The following MDGA1 variants were observed in gnomAD, a reference collection of about 807,000 sequenced individuals.
MDGA1 encodes the protein MAM domain-containing glycosylphosphatidylinositol anchor protein 1.
In MDGA1, 54 loss-of-function variants were observed where a neutral mutation model predicts 101.5. The ratio of observed to expected loss-of-function variants is 0.53; its 90% CI spans 0.43 to 0.67. The LOEUF is 0.67. Ranked by LOEUF, MDGA1 falls within the 30% of genes least tolerant of loss-of-function variation. The pLI, the probability that MDGA1 is intolerant of heterozygous loss-of-function variation, is 0.00. For synonymous variants in MDGA1, 533 were observed against 558.3 expected (o/e 0.95, Z 0.64); for missense variants, 1,083 against 1,323.8 (o/e 0.82, Z 2.82).
chr6:37,676,763 G>A (rs981602855), intron 1 of MDGA1, among the ~76,000 whole-genome samples: 1 of 152,166 alleles, frequency 6.6e-6, no homozygotes, highest in Non-Finnish European at 1.5e-5. Flanking sequence ...TGGGGGTGGT[G>A]GCTTGTGCCT....
chr6:37,693,029 G>A (rs1762346556), intron 1 of MDGA1, among the ~76,000 whole-genome samples: 1 of 152,224 alleles, frequency 6.6e-6, no homozygotes, highest in Non-Finnish European at 1.5e-5. Context: ...ATCAACTTGG[G>A]ATGGGGAGGT....
At chr6:37,676,892 C>T (rs1360104884) in intron 1 of MDGA1, among the ~76,000 whole-genome samples, 3 of 139,580 alleles carry the variant, frequency 2.1e-5, no homozygotes, top group African/African-American at 8.0e-5. Context: ...AGCAAAACTC[C>T]ATCTCAACAG....
In MDGA1 at chr6:37,696,902, C is replaced by G; in HGVS notation, c.-91G>C. On this transcript the variant is annotated 5_prime_UTR_variant, in exon 1 of 17. Coordinates refer to ENST00000434837, the MANE Select transcript of MDGA1 (RefSeq NM_153487.4). The surrounding 1 kb of genome is among the most constrained non-coding windows in gnomAD (Gnocchi z 5.6). ...CCGGGGCCCCGCGACGCCCCTATGT[C>G]CCCCCCTTTCCCTGAGAGGTGAGAG... is the stretch of plus-strand genomic sequence containing the variant. 1.0e-6 allele frequency: 1 copy of G among 1,004,016 alleles called. No individual in the cohort carries two copies. Among genetic ancestry groups the G allele is most frequent in the South Asian group, 1.4e-5 (1 of 72,726 alleles). The allele number at this position is 1,004,016 out of a possible 1,614,324, so 62.2% of individuals were successfully genotyped here.
At position 37,655,998 on chromosome 6, in the gene MDGA1, G is replaced by T; in HGVS notation, c.383-102C>A. 1 of 959,446 alleles carries T rather than the reference G, an allele frequency of 1.0e-6. No homozygotes were observed. Among genetic ancestry groups the T allele is most frequent in the Non-Finnish European group, 1.5e-6 (1 of 659,428 alleles). 59.4% of individuals were successfully genotyped at this position (959,446 alleles called of 1,614,324 possible). On this transcript the variant is annotated intron_variant, in intron 3 of 16. Coordinates refer to ENST00000434837, the MANE Select transcript of MDGA1 (RefSeq NM_153487.4). The surrounding 1 kb of genome is among the most constrained non-coding windows in gnomAD (Gnocchi z 5.1). ...AGGAAGAGCTGAGCCACCCTCAACAGACATTTCCAGATTGCCAGATGCCCT... is the reference window on the plus strand; with the variant it reads ...AGGAAGAGCTGAGCCACCCTCAACATACATTTCCAGATTGCCAGATGCCCT...
chr6:37,664,050 T>C lies in MDGA1; in HGVS notation c.124A>G (p.Asn42Asp), dbSNP rs1761686349. ...AGQACVVKED[N>D]ISERVYTIRE... ...ATGGTGTAGACACGCTCGCTGATAT[T>C]GTCCTCTTTCACCACACATGCCTGG... is the stretch of plus-strand genomic sequence containing the variant. Residue 42 changes from asparagine (N) to aspartate (D), a missense_variant, in exon 2 of 17, where the codon AAT (asparagine) becomes GAT (aspartate). Physicochemically the swap from Asn to Asp is conservative, Grantham distance 23. This residue lies in a region of MDGA1 where 310 missense variants were observed against 355.9 expected (regional missense o/e 0.87). Transcript: ENST00000434837. 3 of 1,613,944 alleles carry C rather than the reference T, an allele frequency of 1.9e-6. No individual in the cohort carries two copies. Among genetic ancestry groups the C allele is most frequent in the South Asian group, 2.2e-5 (2 of 91,074 alleles).
intron 1 of MDGA1, among the ~76,000 whole-genome samples, chr6:37,690,533 C>T (rs4714096): frequency 0.53 from 79,813 of 151,282 alleles, 22,712 homozygotes; most frequent in African/African-American, 0.76. Flanking sequence ...AATCCCAGCA[C>T]TTTGGGAGGC....
chr6:37,648,979 C>T lies in MDGA1; in HGVS notation c.1894+3G>A. The T allele has an allele frequency of 6.4e-7, 1 of 1,552,020 alleles. No homozygotes were observed. Among genetic ancestry groups the T allele is most frequent in the Non-Finnish European group, 8.7e-7 (1 of 1,149,336 alleles). ...GGTGGGGCGGGACCCACTGGACGCTCACCGGAGACCTGGAAGAGGCAGGCA... is the reference window on the plus strand; with the variant it reads ...GGTGGGGCGGGACCCACTGGACGCTTACCGGAGACCTGGAAGAGGCAGGCA... On this transcript the variant is annotated splice_donor_region_variant and intron_variant, in intron 9 of 16. Coordinates refer to ENST00000434837, the MANE Select transcript of MDGA1 (RefSeq NM_153487.4).
At position 37,649,099 on chromosome 6, in the gene MDGA1, C is replaced by T. The variant is rs766750583; in HGVS notation, c.1777G>A (p.Glu593Lys). 1 of 1,519,142 alleles carries T rather than the reference C, an allele frequency of 6.6e-7. No homozygotes were observed. Among genetic ancestry groups the T allele is most frequent in the Non-Finnish European group, 8.8e-7 (1 of 1,135,826 alleles). 94.1% of individuals were successfully genotyped at this position (1,519,142 alleles called of 1,614,324 possible). A position where few individuals can be genotyped will look rare whatever the true frequency, so the allele number is the denominator to read the frequency against. The change falls in exon 9 of 17, where the codon GAG (glutamate) becomes AAG (lysine). Residue 593 changes from glutamate to lysine, a missense_variant. Glu to Lys is a moderately conservative substitution (Grantham distance 56). Coordinates refer to ENST00000434837, the MANE Select transcript of MDGA1 (RefSeq NM_153487.4). ...PPPPVVPAAAEAPDHAELRLD... is the reference protein window; with the variant it reads ...PPPPVVPAAAKAPDHAELRLD... ...CGCAGCTCCGCGTGATCCGGCGCCT[C>T]GGCGGCGGCGGGAACAACAGGCGGC...
chr6:37,695,993 T>A (rs1420729361), intron 1 of MDGA1, among the ~76,000 whole-genome samples: 2 of 151,928 alleles, frequency 1.3e-5, no homozygotes, highest in Non-Finnish European at 2.9e-5. Context: ...CAGCGAGGCG[T>A]GCGGACGCAG....
chr6:37,677,498 C>A (rs1177095378), intron 1 of MDGA1, among the ~76,000 whole-genome samples: 1 of 152,116 alleles, frequency 6.6e-6, no homozygotes, highest in Non-Finnish European at 1.5e-5. Flanking sequence ...AGGGGGTGTC[C>A]TGCGGCCATT....
At chr6:37,646,041 TC>T in intron 11 of MDGA1, 85 bp from the exon 12 acceptor site, 1 of 1,601,868 alleles carries the variant, frequency 6.2e-7, no homozygotes, top group South Asian at 1.1e-5. Context: ...GAGGACAGGG[TC>T]CTCAGAGCCA....
chr6:37,673,939 C>T (rs57562221), intron 1 of MDGA1, among the ~76,000 whole-genome samples: 2,280 of 152,312 alleles, frequency 0.015, 42 homozygotes, highest in African/African-American at 0.051. Flanking sequence ...CTCTCGCTCC[C>T]TGTCCTCCCA....
At chr6:37,692,957 C>T (rs1214244806) in intron 1 of MDGA1, among the ~76,000 whole-genome samples, 1 of 152,182 alleles carries the variant, frequency 6.6e-6, no homozygotes, top group Admixed American at 6.5e-5. Flanking sequence ...GACCCTAAGG[C>T]GGGGGCTCTC....
chr6:37,635,962 T>G lies in MDGA1; in HGVS notation c.*1406A>C. On this transcript the variant is annotated 3_prime_UTR_variant, in exon 17 of 17. Coordinates refer to ENST00000434837, the MANE Select transcript of MDGA1 (RefSeq NM_153487.4). ...AGTCTCACAGGCAGATATGTGAGAT[T>G]GCACACACAGACCTGTGTTTGCACA... is the stretch of plus-strand genomic sequence containing the variant. The G allele has an allele frequency of 2.6e-6, 1 of 387,968 alleles. No homozygotes were observed. The highest frequency in any genetic ancestry group is 4.6e-6 in the Non-Finnish European group (1 of 219,408). 24.0% of individuals were successfully genotyped at this position (387,968 alleles called of 1,614,324 possible). A position where few individuals can be genotyped will look rare whatever the true frequency, so the allele number is the denominator to read the frequency against.
intron 1 of MDGA1, among the ~76,000 whole-genome samples, chr6:37,670,551 TAAAG>T (rs1306100652): frequency 1.3e-5 from 2 of 148,578 alleles, no homozygotes; most frequent in Middle Eastern, 3.2e-3. Flanking sequence ...GAGGAATAAA[TAAAG>T]AAACTCATGT....
At chr6:37,658,968 CAAAAAAAAA>C (rs34087406) in intron 2 of MDGA1, among the ~76,000 whole-genome samples, 23 of 109,466 alleles carry the variant, frequency 2.1e-4, no homozygotes, top group African/African-American at 6.9e-4. Flanking sequence ...AAGACTGTTT[CAAAAAAAAA>C]AAAAAAAAAA....
intron 10 of MDGA1, 56 bp downstream of exon 10, chr6:37,647,117 G>A: frequency 1.3e-6 from 2 of 1,497,450 alleles, no homozygotes; most frequent in Non-Finnish European, 1.8e-6. Flanking sequence ...AGCATTTCCA[G>A]GGTCAGCCAC....
rs187344477 is a variant in MDGA1 at position 37,646,241 on chromosome 6, G to A, written c.2181C>T (p.Phe727=). 3.5e-4 allele frequency: 567 copies of A among 1,598,404 alleles called. 3 individuals are homozygous for A. The African/African-American group carries it at 6.2e-3, about 18-fold the overall frequency. Residue 727 remains phenylalanine, a synonymous_variant, in exon 11 of 17, where the codon TTC becomes TTT. Coordinates refer to ENST00000434837, the MANE Select transcript of MDGA1 (RefSeq NM_153487.4). ...TGCGGGAGGCCATGTCACCAGCCCCGAAGGTGGTATAGGGTGTGAGGCGGA... is the reference window on the plus strand; with the variant it reads ...TGCGGGAGGCCATGTCACCAGCCCCAAAGGTGGTATAGGGTGTGAGGCGGA... ...YEVRLTPYTT[F]GAGDMASRII...
rs1426860434 is a variant in MDGA1, at chr6:37,697,116, A to G, written c.-305T>C. 4 of 271,074 alleles carry G rather than the reference A, an allele frequency of 1.5e-5. No individual in the cohort carries two copies. In the East Asian group the frequency reaches 2.9e-4, roughly 20 times the overall value. 16.8% of individuals were successfully genotyped at this position (271,074 alleles called of 1,614,324 possible). A position where few individuals can be genotyped will look rare whatever the true frequency, so the allele number is the denominator to read the frequency against. On this transcript the variant is annotated 5_prime_UTR_variant, in exon 1 of 17. Coordinates refer to ENST00000434837, the MANE Select transcript of MDGA1 (RefSeq NM_153487.4). The stretch of plus-strand genomic sequence containing the variant: ...GCCCGGCCGCCGAGCCGCCCCGGGT[A>G]CCCAGGGCCGTCCGCGCGGGATGCT...
Sources: allele counts gnomAD v4.1 joint callset (sites outside exome capture counted in the v4.1 genomes callset), GRCh38; gene constraint gnomAD v4.1.1; regional missense constraint gnomAD v4.1.1; non-coding constraint Gnocchi (gnomAD v3.1); transcripts MANE v1.5; gene names NCBI Gene and HGNC (gene_info 2026-07-23, HGNC 2026-07-21).